Variants in REL observed in about 807,000 individuals in gnomAD.
The protein encoded by REL is REL proto-oncogene, NF-kB subunit.
In REL, 15 loss-of-function variants were observed where a neutral mutation model predicts 45.9. The observed-to-expected ratio is 0.33, with a 90% CI of 0.22 to 0.50. The LOEUF (loss-of-function observed/expected upper bound fraction) is 0.50. Among genes scored for constraint, REL ranks in the 20% least tolerant of loss-of-function variants. REL has a pLI of 0.98. For synonymous variants in REL, 239 were observed against 242.1 expected (o/e 0.99, Z 0.12); for missense variants, 601 against 715.2 (o/e 0.84, Z 1.82).
intron 3 of REL, among the ~76,000 whole-genome samples, chr2:60,896,200 G>C (rs1159303448): frequency 6.6e-6 from 1 of 151,984 alleles, no homozygotes; most frequent in Non-Finnish European, 1.5e-5. Context: ...TTAGAGACAG[G>C]GTTTCACCAT....
intron 4 of REL, among the ~76,000 whole-genome samples, chr2:60,913,581 A>G (rs945748532): frequency 2.6e-5 from 4 of 152,172 alleles, no homozygotes; most frequent in Non-Finnish European, 5.9e-5. Context: ...CAGATCCCAC[A>G]TCCTTGGCAA....
rs754882399 is a variant in REL at position 60,925,192 on chromosome 2, A to T, written c.*2657A>T. 5.0e-6 allele frequency: 1 copy of T among 199,316 alleles called. No individual in the cohort carries two copies. Among genetic ancestry groups the T allele is most frequent in the Non-Finnish European group, 1.0e-5 (1 of 96,394 alleles). 12.3% of individuals were successfully genotyped at this position (199,316 alleles called of 1,614,324 possible). ...AACTAGAACCTGCCCTAAATGTTGA[A>T]TATCTTCCTAGCAAGAAACAGTCTG... On this transcript the variant is annotated 3_prime_UTR_variant, in exon 10 of 10. Transcript: ENST00000394479.
intron 4 of REL, among the ~76,000 whole-genome samples, chr2:60,912,591 C>T (rs1333692060): frequency 6.6e-6 from 1 of 151,914 alleles, no homozygotes; most frequent in East Asian, 1.9e-4. Flanking sequence ...CAACAGTGCT[C>T]AGAAGTATTA....
chr2:60,906,659 G>C (rs1673660053), intron 4 of REL, among the ~76,000 whole-genome samples: 1 of 151,998 alleles, frequency 6.6e-6, no homozygotes, highest in African/African-American at 2.4e-5. Flanking sequence ...TGCACTGTTA[G>C]AAGAGCCATG....
Position 60,923,340 on chromosome 2 carries a change from A to T in REL, c.*805A>T, listed in dbSNP as rs1163982113. Reference sequence around the variant, plus strand: ...GTTTTCTACATTTTATACTATTTCAATCTATGCCTTTAAAGTTGCTTATGA... The same window carrying T: ...GTTTTCTACATTTTATACTATTTCATTCTATGCCTTTAAAGTTGCTTATGA... On this transcript the variant is annotated 3_prime_UTR_variant, in exon 10 of 10. Coordinates refer to ENST00000394479, the MANE Select transcript of REL (RefSeq NM_001291746.2). The T allele has an allele frequency of 4.4e-6, 1 of 227,384 alleles. No homozygotes were observed. The highest frequency in any genetic ancestry group is 6.3e-5 in the East Asian group (1 of 15,992). 14.1% of individuals were successfully genotyped at this position (227,384 alleles called of 1,614,324 possible).
chr2:60,902,944 C>T (rs1312901274), intron 4 of REL, among the ~76,000 whole-genome samples: 1 of 152,122 alleles, frequency 6.6e-6, no homozygotes, highest in Non-Finnish European at 1.5e-5. Flanking sequence ...TTTAAAAGCT[C>T]CACTGAATAT....
intron 4 of REL, among the ~76,000 whole-genome samples, chr2:60,915,391 G>A (rs1673936853): frequency 6.6e-6 from 1 of 152,182 alleles, no homozygotes; most frequent in African/African-American, 2.4e-5. Flanking sequence ...AGTAGAGTAT[G>A]CTGCTGTAAC....
rs751888284 is a variant in REL at position 60,922,427 on chromosome 2, T to A, written c.1656T>A (p.Thr552=). The change falls in exon 10 of 10, where the codon ACT becomes ACA. Residue 552 remains threonine, a synonymous_variant. Coordinates refer to ENST00000394479, the MANE Select transcript of REL (RefSeq NM_001291746.2). ...MINESGPSNS[T]NPNSHGFVQD... ...ATGAGTCGGGACCATCAAACAGTAC[T>A]AATCCAAACAGTCATGGTTTTGTTC... 8 of 1,614,044 alleles carry A rather than the reference T, an allele frequency of 5.0e-6. No individual in the cohort carries two copies. Among genetic ancestry groups the A allele is most frequent in the Middle Eastern group, 1.6e-4 (1 of 6,062 alleles).
At chr2:60,915,293 A>C (rs1435020969) in intron 4 of REL, among the ~76,000 whole-genome samples, 1 of 152,224 alleles carries the variant, frequency 6.6e-6, no homozygotes, top group Non-Finnish European at 1.5e-5. Context: ...TGCAATTGAG[A>C]GACACTAATA....
chr2:60,912,320 A>C (rs1673842093), intron 4 of REL, among the ~76,000 whole-genome samples: 2 of 152,176 alleles, frequency 1.3e-5, no homozygotes, highest in South Asian at 4.1e-4. Context: ...TATAGCTCAG[A>C]TTTATTTCAA....
At chr2:60,895,785 G>A (rs1673331934) in intron 3 of REL, among the ~76,000 whole-genome samples, 1 of 152,112 alleles carries the variant, frequency 6.6e-6, no homozygotes, top group South Asian at 2.1e-4. Flanking sequence ...AAATAATTAA[G>A]TGTGTTCAGA....
chr2:60,884,047 A>G (rs1673012401), intron 1 of REL, among the ~76,000 whole-genome samples: 1 of 151,526 alleles, frequency 6.6e-6, no homozygotes, highest in Admixed American at 6.6e-5. Flanking sequence ...TCACTAATAA[A>G]ATTCTAAATT....
At chr2:60,909,046 C>T (rs1423424731) in intron 4 of REL, among the ~76,000 whole-genome samples, 2 of 151,952 alleles carry the variant, frequency 1.3e-5, no homozygotes, top group Non-Finnish European at 2.9e-5. Context: ...GCCTTTTTTT[C>T]ATTACCCTAG....
intron 9 of REL, among the ~76,000 whole-genome samples, chr2:60,921,310 A>G (rs557592397): frequency 6.6e-6 from 1 of 152,240 alleles, no homozygotes; most frequent in African/African-American, 2.4e-5. Flanking sequence ...CTGTTGTAAT[A>G]TATCTTAAAA....
At position 60,922,473 on chromosome 2, in the gene REL, A is replaced by G; in HGVS notation, c.1702A>G (p.Ile568Val). ...GFVQDSQYSG[I>V]GSMQNEQLSD... Reference sequence around the variant, plus strand: ...TGTTCAAGATAGTCAGTATTCAGGTATTGGCAGTATGCAAAATGAGCAATT... The same window carrying G: ...TGTTCAAGATAGTCAGTATTCAGGTGTTGGCAGTATGCAAAATGAGCAATT... The change falls in exon 10 of 10, where the codon ATT becomes GTT. Residue 568 changes from isoleucine (I) to valine (V), a missense_variant. Ile to Val is a conservative substitution (Grantham distance 29). Transcript: ENST00000394479. The G allele has an allele frequency of 6.2e-7, 1 of 1,613,068 alleles. No homozygotes were observed. Among genetic ancestry groups the G allele is most frequent in the Non-Finnish European group, 8.5e-7 (1 of 1,179,768 alleles).
chr2:60,923,113 T>C lies in REL; in HGVS notation c.*578T>C, dbSNP rs1674189705. 1 of 184,224 alleles carries C rather than the reference T, an allele frequency of 5.4e-6. No individual in the cohort carries two copies. The highest frequency in any genetic ancestry group is 1.2e-5 in the Non-Finnish European group (1 of 86,854). 11.4% of individuals were successfully genotyped at this position (184,224 alleles called of 1,614,324 possible). A position where few individuals can be genotyped will look rare whatever the true frequency, so the allele number is the denominator to read the frequency against. Reference sequence around the variant, plus strand: ...TATAATGTTTTAATGTATTCTTAAATTTCAAGCAAATTTAAGATAAAACTT... The same window carrying C: ...TATAATGTTTTAATGTATTCTTAAACTTCAAGCAAATTTAAGATAAAACTT... On this transcript the variant is annotated 3_prime_UTR_variant, in exon 10 of 10. Coordinates refer to ENST00000394479, the MANE Select transcript of REL (RefSeq NM_001291746.2).
chr2:60,902,429 A>G (rs897328128), intron 4 of REL, among the ~76,000 whole-genome samples: 1 of 151,988 alleles, frequency 6.6e-6, no homozygotes, highest in Non-Finnish European at 1.5e-5. Context: ...GTAGACATAT[A>G]TATTTTATAA....
rs1200849725 is a variant in REL at position 60,922,131 on chromosome 2, T to A, written c.1360T>A (p.Ser454Thr). ...SMPSADLYGI[S>T]DPNMLSNCSV... ...GCCATCAGCAGATTTATATGGTATT[T>A]CTGATCCCAACATGCTGTCTAATTG... Residue 454 changes from serine (S) to threonine (T), a missense_variant, in exon 10 of 10, where the codon TCT becomes ACT. Ser to Thr is a moderately conservative substitution (Grantham distance 58). This residue lies in a region of REL where 334 missense variants were observed against 333.1 expected (regional missense o/e 1.00). Coordinates refer to ENST00000394479, the MANE Select transcript of REL (RefSeq NM_001291746.2). The A allele has an allele frequency of 6.2e-7, 1 of 1,614,206 alleles. No individual in the cohort carries two copies. Among genetic ancestry groups the A allele is most frequent in the Admixed American group, 1.7e-5 (1 of 60,022 alleles).
chr2:60,891,320 C>T (rs562596093), intron 1 of REL, among the ~76,000 whole-genome samples: 1 of 152,150 alleles, frequency 6.6e-6, no homozygotes, highest in South Asian at 2.1e-4. Context: ...CCTTCTTTAC[C>T]CTTCTTGGGG....
Sources: gnomAD v4.1 joint callset for allele counts (sites outside exome capture counted in the v4.1 genomes callset) on GRCh38, gnomAD v4.1.1 for gene constraint, gnomAD v4.1.1 regional missense constraint, MANE v1.5 for transcripts, NCBI Gene and HGNC (gene_info 2026-07-23, HGNC 2026-07-21) for gene names.